FGF1: variants seen among roughly 807,000 people sequenced by gnomAD.
The protein encoded by FGF1 is fibroblast growth factor 1, also known as beta-endothelial cell growth factor.
In FGF1, 9 loss-of-function variants were observed where a neutral mutation model predicts 13.4. The ratio of observed to expected loss-of-function variants is 0.67; its 90% CI spans 0.40 to 1.17. The LOEUF is 1.17. FGF1 is among the 50% of genes most tolerant of loss of function. The pLI is 0.01. For synonymous variants in FGF1, 93 were observed against 79.0 expected (o/e 1.18, Z -0.94); for missense variants, 156 against 192.7 (o/e 0.81, Z 1.13).
At position 142,610,256 on chromosome 5, in the gene FGF1, C is replaced by G. The variant is rs144456734; in HGVS notation, c.169+3703G>C. Among the ~76,000 whole-genome samples the G allele has an allele frequency of 3.8e-3, 577 of 152,302 alleles. 17 individuals carry two copies. The highest frequency in any genetic ancestry group is 0.033 in the Admixed American group (511 of 15,304). On this transcript the variant is annotated intron_variant, in intron 2 of 3. Coordinates refer to ENST00000337706, the MANE Select transcript of FGF1 (RefSeq NM_000800.5). ...GAATTTAGCTGCCACCAATACAATT[C>G]AGTCACTTATCAAATTAATGTTTAC...
At position 142,655,785 on chromosome 5, in the gene FGF1, G is replaced by C. The variant is rs376682591; in HGVS notation, c.-35+30172C>G. Among the ~76,000 whole-genome samples, 9 of 152,342 alleles carry C rather than the reference G, an allele frequency of 5.9e-5. No individual in the cohort carries two copies. In the East Asian group the frequency reaches 1.2e-3, roughly 20 times the overall value. On this transcript the variant is annotated intron_variant, in intron 1 of 3. Coordinates refer to ENST00000337706, the MANE Select transcript of FGF1 (RefSeq NM_000800.5). Reference sequence around the variant, plus strand: ...TGCTGATATTGGAACGGGAGAGCCAGAGCAGCTTTCCAAACACTGAAAACC... The same window carrying C: ...TGCTGATATTGGAACGGGAGAGCCACAGCAGCTTTCCAAACACTGAAAACC...
upstream of FGF1, among the ~76,000 whole-genome samples, chr5:142,687,670 T>C (rs950992379): frequency 2.6e-5 from 4 of 152,242 alleles, no homozygotes; most frequent in African/African-American, 4.8e-5. Context: ...AGATGTAGTA[T>C]GCATGTTAAC....
At chr5:142,603,960 C>A (rs1757115344) in intron 2 of FGF1, among the ~76,000 whole-genome samples, 1 of 152,158 alleles carries the variant, frequency 6.6e-6, no homozygotes, top group Admixed American at 6.5e-5. Context: ...CTGAGGCATG[C>A]CACAACACAG....
At chr5:142,679,455 CTTGA>C (rs1453278547) in intron 1 of FGF1, among the ~76,000 whole-genome samples, 1 of 152,210 alleles carries the variant, frequency 6.6e-6, no homozygotes, top group Non-Finnish European at 1.5e-5. Flanking sequence ...AGAATTGCTG[CTTGA>C]TTGATGTCTA....
intron 3 of FGF1, among the ~76,000 whole-genome samples, chr5:142,598,189 A>G (rs2151815825): frequency 6.6e-6 from 1 of 152,258 alleles, no homozygotes; most frequent in East Asian, 1.9e-4. Flanking sequence ...CATGCCTGAC[A>G]CCTCATAGTG....
intron 2 of FGF1, among the ~76,000 whole-genome samples, chr5:142,605,459 G>T (rs1165673293): frequency 1.3e-5 from 2 of 152,070 alleles, no homozygotes; most frequent in Admixed American, 1.3e-4. Flanking sequence ...CATTTCCTAT[G>T]CATTTCTGTT....
chr5:142,692,699 A>ACACG (rs1250872227), intron 2 of FGF1, among the ~76,000 whole-genome samples: 1 of 150,790 alleles, frequency 6.6e-6, no homozygotes, highest in Non-Finnish European at 1.5e-5. Context: ...ACACACACAC[A>ACACG]CACGCACAGA....
chr5:142,669,660 G>C (rs565148562), intron 1 of FGF1, among the ~76,000 whole-genome samples: 1 of 152,230 alleles, frequency 6.6e-6, no homozygotes, highest in African/African-American at 2.4e-5. Context: ...ACTCGCTGTG[G>C]GGCGTGTCGC....
chr5:142,600,266 G>C (rs17217380), intron 3 of FGF1, among the ~76,000 whole-genome samples: 15 of 152,166 alleles, frequency 9.9e-5, no homozygotes, highest in South Asian at 4.1e-4. Context: ...GGGGGCTGAG[G>C]GGGGAGGATT....
chr5:142,633,713 T>C (rs1763754584), intron 1 of FGF1, among the ~76,000 whole-genome samples: 1 of 152,204 alleles, frequency 6.6e-6, no homozygotes, highest in African/African-American at 2.4e-5. Flanking sequence ...GACTTGCCTT[T>C]TGCCTTTGAC....
chr5:142,605,149 C>G (rs142412922), intron 2 of FGF1, among the ~76,000 whole-genome samples: 4,402 of 151,978 alleles, frequency 0.029, 155 homozygotes, highest in East Asian at 0.12. Flanking sequence ...ACTCTGTTGC[C>G]CAGGCTGGAG....
rs17217436 is a variant in FGF1, at chr5:142,599,036, G to A, written c.273+1666C>T. On this transcript the variant is annotated intron_variant, in intron 3 of 3. Transcript: ENST00000337706. The stretch of plus-strand genomic sequence containing the variant: ...TCTGTGACGTGCCAGCCACTCTGAT[G>A]GGCGCATTCTGTGTGTTGCACCACT... 1.7e-3 allele frequency among the ~76,000 whole-genome samples: 257 copies of A among 152,264 alleles called. 1 individual carries two copies. The highest frequency in any genetic ancestry group is 6.1e-3 in the African/African-American group (253 of 41,546).
At chr5:142,685,345 A>T (rs1216558786) in intron 1 of FGF1, among the ~76,000 whole-genome samples, 1 of 152,242 alleles carries the variant, frequency 6.6e-6, no homozygotes, top group Non-Finnish European at 1.5e-5. Flanking sequence ...TGACACACCC[A>T]GATAATCCTA....
At chr5:142,693,565 T>C (rs2152072164) in intron 2 of FGF1, among the ~76,000 whole-genome samples, 1 of 152,354 alleles carries the variant, frequency 6.6e-6, no homozygotes, top group East Asian at 1.9e-4. Context: ...AGTTCACCCA[T>C]TTAAAATGTA....
chr5:142,643,708 C>T (rs1765556781), intron 1 of FGF1, among the ~76,000 whole-genome samples: 1 of 152,086 alleles, frequency 6.6e-6, no homozygotes, highest in Admixed American at 6.5e-5. Context: ...ACAGAACATT[C>T]TTCTTCATCT....
In FGF1 at chr5:142,593,816, T is replaced by A. The variant is rs528727010; in HGVS notation, c.*1474A>T. 6 of 152,776 alleles carry A rather than the reference T, an allele frequency of 3.9e-5. No homozygotes were observed. The East Asian group carries it at 1.2e-3, about 29-fold the overall frequency. 9.5% of individuals were successfully genotyped at this position (152,776 alleles called of 1,614,324 possible). A position where few individuals can be genotyped will look rare whatever the true frequency, so the allele number is the denominator to read the frequency against. On this transcript the variant is annotated 3_prime_UTR_variant, in exon 4 of 4. Coordinates refer to ENST00000337706, the MANE Select transcript of FGF1 (RefSeq NM_000800.5). The stretch of plus-strand genomic sequence containing the variant: ...TCTCACAGTAAATTTCAATGACTTA[T>A]TAAAGGCCTTTACATGGCATCAGTA...
chr5:142,668,597 A>G (rs1336660609), intron 1 of FGF1, among the ~76,000 whole-genome samples: 1 of 152,234 alleles, frequency 6.6e-6, no homozygotes, highest in African/African-American at 2.4e-5. Context: ...ACTTAAGTCC[A>G]GAAAGTCAAT....
chr5:142,608,577 TATATATACAC>T lies in FGF1; in HGVS notation c.169+5372_169+5381del, dbSNP rs1235387972. Among the ~76,000 whole-genome samples the T allele has an allele frequency of 1.4e-3, 123 of 85,214 alleles. 1 individual carries two copies. Among genetic ancestry groups the T allele is most frequent in the African/African-American group, 7.1e-3 (114 of 16,026 alleles). 55.9% of individuals were successfully genotyped at this position (85,214 alleles called of 152,430 possible). On this transcript the variant is annotated intron_variant, in intron 2 of 3. Transcript: ENST00000337706. ...ATATATATATATATATATATATATA[TATATATACAC>T]ACACACACACATATATGTAAATATA...
At chr5:142,691,281 G>T (rs1206688797) in intron 2 of FGF1, among the ~76,000 whole-genome samples, 40 of 151,904 alleles carry the variant, frequency 2.6e-4, no homozygotes, top group Non-Finnish European at 4.4e-5. Context: ...AATTAGCCAG[G>T]CATGTTGGCT....
Sources: allele counts gnomAD v4.1 joint callset (sites outside exome capture counted in the v4.1 genomes callset), GRCh38; gene constraint gnomAD v4.1.1; transcripts MANE v1.5; gene names NCBI Gene and HGNC (gene_info 2026-07-23, HGNC 2026-07-21).